Variants in TDRD9 observed in about 807,000 individuals in gnomAD.
TDRD9 encodes tudor domain containing 9.
In TDRD9, 124 loss-of-function variants were observed where a neutral mutation model predicts 172.6. That is an observed-to-expected ratio of 0.72 (90% CI 0.62 to 0.83). The LOEUF is 0.83. Ranked by LOEUF, TDRD9 falls within the 40% of genes least tolerant of loss-of-function variation. TDRD9 has a pLI of 0.00. For synonymous variants in TDRD9, 619 were observed against 617.1 expected (o/e 1.00, Z -0.05); for missense variants, 1,479 against 1,714.1 (o/e 0.86, Z 2.42).
Position 103,960,173 on chromosome 14 carries a change from C to A in TDRD9, c.323-2906C>A, listed in dbSNP as rs146097796. Among the ~76,000 whole-genome samples, 510 of 152,202 alleles carry A rather than the reference C, an allele frequency of 3.4e-3. 3 individuals carry two copies. Among genetic ancestry groups the A allele is most frequent in the South Asian group, 0.014 (67 of 4,826 alleles). On this transcript the variant is annotated intron_variant, in intron 2 of 35. Transcript: ENST00000409874. ...TTAATTTTATGGTTACATCAGTAAT[C>A]CAGTAATTAAAATTATTTTCTGTAA...
At chr14:103,994,076 A>G (rs562319170) in intron 9 of TDRD9, among the ~76,000 whole-genome samples, 2 of 152,366 alleles carry the variant, frequency 1.3e-5, no homozygotes, top group African/African-American at 2.4e-5. Flanking sequence ...TCATATAGCT[A>G]ACACCCACAG....
intron 1 of TDRD9, among the ~76,000 whole-genome samples, chr14:103,947,048 A>G (rs1470928482): frequency 6.6e-6 from 1 of 152,228 alleles, no homozygotes; most frequent in Non-Finnish European, 1.5e-5. Flanking sequence ...CCTGAAATTC[A>G]TATGGAATGT....
At chr14:104,043,461 T>C (rs1482686952) in intron 34 of TDRD9, among the ~76,000 whole-genome samples, 1 of 152,072 alleles carries the variant, frequency 6.6e-6, no homozygotes, top group Non-Finnish European at 1.5e-5. Context: ...GGTGAACTCC[T>C]GACCTCAGGC....
intron 24 of TDRD9, among the ~76,000 whole-genome samples, chr14:104,023,184 C>CAAAAAAAAAAAAAAA (rs10661391): frequency 7.8e-5 from 5 of 64,456 alleles, no homozygotes; most frequent in African/African-American, 3.6e-4. Context: ...GACTCCGTCT[C>CAAAAAAAAAAAAAAA]AAAAAAAAAA....
intron 7 of TDRD9, among the ~76,000 whole-genome samples, chr14:103,982,709 C>A (rs1305605147): frequency 6.6e-6 from 1 of 152,074 alleles, no homozygotes; most frequent in Non-Finnish European, 1.5e-5. Flanking sequence ...TGTTCGAGAC[C>A]AGCCTAACAC....
chr14:103,956,879 A>AT (rs1031366290), intron 2 of TDRD9, among the ~76,000 whole-genome samples: 16 of 151,586 alleles, frequency 1.1e-4, no homozygotes, highest in South Asian at 2.1e-4. Flanking sequence ...TTATCTTTTG[A>AT]TTTTTTTTGC....
intron 1 of TDRD9, among the ~76,000 whole-genome samples, chr14:103,929,250 C>A (rs1453609773): frequency 6.6e-6 from 1 of 150,432 alleles, no homozygotes; most frequent in African/African-American, 2.5e-5. Context: ...TTCCTGCCTC[C>A]CTTTCCCTAC....
At chr14:103,956,111 A>AATATATATATATATATATATATAT (rs1173008862) in intron 2 of TDRD9, among the ~76,000 whole-genome samples, 2 of 18,362 alleles carry the variant, frequency 1.1e-4, no homozygotes, top group African/African-American at 2.7e-4. Flanking sequence ...AAAAAAAAAA[A>AATATATATATATATATATATATAT]ATATATATAT....
At chr14:103,970,660 T>C (rs536199175) in intron 6 of TDRD9, 39 bp downstream of exon 6, 1 of 1,449,712 alleles carries the variant, frequency 6.9e-7, no homozygotes, top group Non-Finnish European at 9.5e-7. Context: ...TATTTAGGAT[T>C]AAGATTCATT....
At chr14:103,950,525 T>C (rs1210008501) in intron 1 of TDRD9, among the ~76,000 whole-genome samples, 1 of 152,252 alleles carries the variant, frequency 6.6e-6, no homozygotes, top group Non-Finnish European at 1.5e-5. Context: ...ACTAATCTTC[T>C]TATGAAGAAC....
intron 13 of TDRD9, among the ~76,000 whole-genome samples, chr14:104,001,518 G>C (rs551412825): frequency 6.6e-6 from 1 of 152,290 alleles, no homozygotes; most frequent in East Asian, 1.9e-4. Flanking sequence ...GAATATTCAT[G>C]TACAGGTTTT....
At chr14:104,018,775 A>T (rs930389445) in intron 23 of TDRD9, among the ~76,000 whole-genome samples, 3 of 152,238 alleles carry the variant, frequency 2.0e-5, no homozygotes, top group Admixed American at 6.5e-5. Flanking sequence ...AAAGTTAGAA[A>T]TTTTTTCCAG....
intron 20 of TDRD9, among the ~76,000 whole-genome samples, chr14:104,012,544 C>T (rs1327738806): frequency 6.7e-6 from 1 of 149,348 alleles, no homozygotes; most frequent in Non-Finnish European, 1.5e-5. Context: ...ATTTAGTTCT[C>T]CTTTGACTTT....
At chr14:104,038,877 C>T (rs1489703746) in intron 32 of TDRD9, among the ~76,000 whole-genome samples, 2 of 152,174 alleles carry the variant, frequency 1.3e-5, no homozygotes, top group East Asian at 3.9e-4. Context: ...GCCCTGTTGG[C>T]CAGGCTTGTC....
intron 20 of TDRD9, among the ~76,000 whole-genome samples, chr14:104,012,841 C>T (rs139266034): frequency 2.6e-5 from 4 of 152,298 alleles, no homozygotes; most frequent in Admixed American, 2.6e-4. Flanking sequence ...TTAAGCAATC[C>T]TCCTGCCTCA....
At chr14:103,987,068 C>T (rs563274011) in intron 8 of TDRD9, among the ~76,000 whole-genome samples, 77 of 151,416 alleles carry the variant, frequency 5.1e-4, no homozygotes, top group African/African-American at 1.7e-3. Flanking sequence ...AAGCTGAGAT[C>T]GTGCCACTGC....
In TDRD9 at chr14:103,986,217, C is replaced by G. The variant is rs2033654135; in HGVS notation, c.1012C>G (p.Leu338Val). 3 of 1,611,286 alleles carry G rather than the reference C, an allele frequency of 1.9e-6. No homozygotes were observed. The Admixed American group carries it at 5.0e-5, about 27-fold the overall frequency. ...GACTTTTTTCTTTCACTGTTTTTAGCTCTCTCCTCATCTCCTGGAGGAACC... is the reference window on the plus strand; with the variant it reads ...GACTTTTTTCTTTCACTGTTTTTAGGTCTCTCCTCATCTCCTGGAGGAACC... The part of the protein sequence containing the change: ...NDLEHIHHSK[L>V]SPHLLEEPVI... Residue 338 changes from leucine to valine, a missense_variant and splice_region_variant, in exon 8 of 36, where the codon CTC becomes GTC. Physicochemically the swap from Leu to Val is conservative, Grantham distance 32. This residue lies in a region of TDRD9 where 1,413 missense variants were observed against 1,649.1 expected (regional missense o/e 0.86). Transcript: ENST00000409874.
chr14:104,037,389 G>GC (rs1324585182), intron 32 of TDRD9, among the ~76,000 whole-genome samples: 3 of 152,148 alleles, frequency 2.0e-5, no homozygotes, highest in Admixed American at 6.5e-5. Flanking sequence ...GGCTGTCCTG[G>GC]CCCCCCTTGT....
intron 32 of TDRD9, 93 bp from the exon 33 acceptor site, chr14:104,040,103 T>C (rs1188925190): frequency 4.1e-6 from 5 of 1,211,644 alleles, no homozygotes; most frequent in Non-Finnish European, 5.3e-6. Context: ...GCTGGCAGAA[T>C]TTAGGATAAT....
Sources: allele counts gnomAD v4.1 joint callset (sites outside exome capture counted in the v4.1 genomes callset), GRCh38; gene constraint gnomAD v4.1.1; regional missense constraint gnomAD v4.1.1; transcripts MANE v1.5; gene names NCBI Gene and HGNC (gene_info 2026-07-23, HGNC 2026-07-21).